Variants in SMARCC1 observed in about 807,000 individuals in gnomAD.
The protein encoded by SMARCC1 is SWI/SNF related BAF chromatin remodeling complex subunit C1.
SMARCC1 carries 43 observed loss-of-function variants against 147.4 expected under a neutral mutation model. The ratio of observed to expected loss-of-function variants is 0.29; its 90% confidence interval spans 0.23 to 0.38. The LOEUF is 0.38. SMARCC1 is among the 10% of genes least tolerant of loss of function. SMARCC1 has a pLI of 1.00. For missense variants in SMARCC1, 1,119 were observed against 1,381.1 expected (o/e 0.81, Z 3.01); for synonymous variants, 495 against 484.4 (o/e 1.02, Z -0.29).
At position 47,731,455 on chromosome 3, in the gene SMARCC1, T is replaced by C. The variant is rs545822109; in HGVS notation, c.577-2361A>G. Among the ~76,000 whole-genome samples the C allele has an allele frequency of 3.9e-5, 6 of 152,324 alleles. No individual in the cohort carries two copies. The South Asian group carries it at 1.2e-3, about 32-fold the overall frequency. ...TGTTGATATTTTGACCTCTGATGAA[T>C]CGCATGTGTTCTTAGTGGCATCTAG... On this transcript the variant is annotated intron_variant, in intron 5 of 27. Coordinates refer to ENST00000254480, the MANE Select transcript of SMARCC1 (RefSeq NM_003074.4).
At chr3:47,716,465 G>A (rs972603433) in intron 7 of SMARCC1, among the ~76,000 whole-genome samples, 10 of 147,538 alleles carry the variant, frequency 6.8e-5, no homozygotes, top group Admixed American at 5.4e-4. Context: ...TTCCAGTCTT[G>A]ATTAGAAATT....
At chr3:47,734,693 AGTCAGAAGAAGAAGGCTAAGAT>A (rs778199300) in intron 5 of SMARCC1, among the ~76,000 whole-genome samples, 10 of 152,234 alleles carry the variant, frequency 6.6e-5, no homozygotes, top group Non-Finnish European at 1.2e-4. Flanking sequence ...CCTAAAATGA[AGTCAGAAGAAGAAGGCTAAGAT>A]GTCAGAACAC....
intron 16 of SMARCC1, among the ~76,000 whole-genome samples, chr3:47,677,681 T>C (rs1475999013): frequency 6.6e-6 from 1 of 151,974 alleles, no homozygotes; most frequent in African/African-American, 2.4e-5. Flanking sequence ...TAGCTAAGAT[T>C]ACAGTCATGT....
intron 6 of SMARCC1, among the ~76,000 whole-genome samples, chr3:47,726,272 TAAAG>T (rs1298972267): frequency 6.6e-6 from 1 of 151,016 alleles, no homozygotes; most frequent in Admixed American, 6.6e-5. Flanking sequence ...AAAATAAAAA[TAAAG>T]AGAGAACATG....
At chr3:47,778,280 T>G (rs975190623) in intron 1 of SMARCC1, among the ~76,000 whole-genome samples, 10 of 149,154 alleles carry the variant, frequency 6.7e-5, no homozygotes, top group East Asian at 3.9e-4. Flanking sequence ...ATTAATCTGG[T>G]TTTTTTTTGT....
chr3:47,650,295 A>ATT lies in SMARCC1; in HGVS notation c.2320+10998_2320+10999insAA, dbSNP rs1553679560. Among the ~76,000 whole-genome samples, 714 of 134,500 alleles carry ATT rather than the reference A, an allele frequency of 5.3e-3. 6 individuals are homozygous for ATT. Among genetic ancestry groups the ATT allele is most frequent in the Non-Finnish European group, 7.4e-3 (447 of 60,336 alleles). 88.2% of individuals were successfully genotyped at this position (134,500 alleles called of 152,430 possible). A position where few individuals can be genotyped will look rare whatever the true frequency, so the allele number is the denominator to read the frequency against. On this transcript the variant is annotated intron_variant, in intron 21 of 27. Transcript: ENST00000254480. ...TGTTTAAAATAATAATAATAATAAT[A>ATT]ATAATTATTATTATTATTATTATTC...
At chr3:47,687,289 T>C (rs948674405) in intron 13 of SMARCC1, among the ~76,000 whole-genome samples, 2 of 152,222 alleles carry the variant, frequency 1.3e-5, no homozygotes, top group African/African-American at 4.8e-5. Context: ...AAAAATATTC[T>C]CAATGTTCAC....
chr3:47,691,712 T>C (rs1441076978), intron 12 of SMARCC1, among the ~76,000 whole-genome samples: 4 of 150,882 alleles, frequency 2.7e-5, no homozygotes, highest in African/African-American at 9.7e-5. Context: ...CAATAATAAC[T>C]GTAATTGCCA....
chr3:47,687,753 G>A (rs545197377), intron 13 of SMARCC1, among the ~76,000 whole-genome samples: 3 of 152,202 alleles, frequency 2.0e-5, no homozygotes, highest in African/African-American at 7.2e-5. Flanking sequence ...ACAGACGTAA[G>A]CCACTGCACT....
chr3:47,714,794 G>A (rs1160064955), intron 7 of SMARCC1, among the ~76,000 whole-genome samples: 2 of 151,788 alleles, frequency 1.3e-5, no homozygotes, highest in African/African-American at 2.4e-5. Flanking sequence ...ACCCTATCTC[G>A]AAACAAAACA....
chr3:47,686,226 A>G (rs573661047), intron 13 of SMARCC1, 56 bp from the exon 14 acceptor site: 17 of 1,371,324 alleles, frequency 1.2e-5, no homozygotes, highest in South Asian at 4.9e-5. Flanking sequence ...AGAGATATAT[A>G]TAACATCTCT....
chr3:47,663,850 G>A (rs1162239901), intron 19 of SMARCC1: 1 of 1,558,860 alleles, frequency 6.4e-7, no homozygotes, highest in African/African-American at 1.4e-5. Flanking sequence ...AGCTCATGAT[G>A]TGCACCTGGA....
At chr3:47,602,549 T>C (rs1345494472) in intron 26 of SMARCC1, among the ~76,000 whole-genome samples, 2 of 152,072 alleles carry the variant, frequency 1.3e-5, no homozygotes, top group African/African-American at 2.4e-5. Context: ...CTGCCTGCCT[T>C]GGCCTCCCAA....
chr3:47,602,962 C>T (rs2032412650), intron 26 of SMARCC1, among the ~76,000 whole-genome samples: 1 of 152,120 alleles, frequency 6.6e-6, no homozygotes, highest in Non-Finnish European at 1.5e-5. Context: ...CCAACCTGGG[C>T]AACATAGTGA....
At chr3:47,697,002 C>T (rs1041357092) in intron 11 of SMARCC1, among the ~76,000 whole-genome samples, 9 of 152,112 alleles carry the variant, frequency 5.9e-5, no homozygotes, top group African/African-American at 1.9e-4. Flanking sequence ...CAGGGAAAGG[C>T]CACCATGTCC....
At chr3:47,707,601 C>T (rs1559650367) in intron 9 of SMARCC1, among the ~76,000 whole-genome samples, 1 of 152,028 alleles carries the variant, frequency 6.6e-6, no homozygotes, top group Admixed American at 6.6e-5. Flanking sequence ...AGGCTGGTCA[C>T]GGTGGCTCAC....
At chr3:47,751,984 T>C (rs2106849043) in intron 2 of SMARCC1, among the ~76,000 whole-genome samples, 1 of 152,180 alleles carries the variant, frequency 6.6e-6, no homozygotes, top group African/African-American at 2.4e-5. Flanking sequence ...CTCAGGAGGC[T>C]GAGGCAGGAG....
At chr3:47,645,560 A>G (rs2033108701) in intron 21 of SMARCC1, among the ~76,000 whole-genome samples, 1 of 152,090 alleles carries the variant, frequency 6.6e-6, no homozygotes, top group South Asian at 2.1e-4. Flanking sequence ...AACAAACAAA[A>G]CCCCCAAACT....
In SMARCC1 at chr3:47,778,990, A is replaced by T. The variant is rs1469677236; in HGVS notation, c.195+2613T>A. 3.9e-5 allele frequency among the ~76,000 whole-genome samples: 6 copies of T among 151,978 alleles called. No homozygotes were observed. The South Asian group carries it at 6.2e-4, about 16-fold the overall frequency. On this transcript the variant is annotated intron_variant, in intron 1 of 27. Transcript: ENST00000254480. Reference sequence around the variant, plus strand: ...GCAACACAGAAAGACCCTGTCTCAAAAAAAAAAGAAAATTCCTAAATGAAG... The same window carrying T: ...GCAACACAGAAAGACCCTGTCTCAATAAAAAAAGAAAATTCCTAAATGAAG...
Sources: gnomAD v4.1 joint callset for allele counts (sites outside exome capture counted in the v4.1 genomes callset) on GRCh38, gnomAD v4.1.1 for gene constraint, MANE v1.5 for transcripts, NCBI Gene and HGNC (gene_info 2026-07-23, HGNC 2026-07-21) for gene names.